Variants in ROBO1 observed in about 807,000 individuals in gnomAD.
The protein encoded by ROBO1 is roundabout homolog 1.
A neutral mutation model predicts 195.9 loss-of-function variants in ROBO1; 149 were observed. The observed-to-expected ratio is 0.76, with a 90% CI of 0.67 to 0.87. The LOEUF (loss-of-function observed/expected upper bound fraction) is 0.87. ROBO1 is among the 40% of genes least tolerant of loss of function. The probability of loss-of-function intolerance (pLI) is 0.00; values close to 1 mark genes in which losing one functional copy is unlikely to be tolerated. For missense variants in ROBO1, 1,933 were observed against 2,068.3 expected (o/e 0.93, Z 1.27); for synonymous variants, 816 against 733.2 (o/e 1.11, Z -1.82).
At chr3:79,767,570 T>C (rs1023694963) in intron 1 of ROBO1, among the ~76,000 whole-genome samples, 182 bp downstream of exon 1, 5 of 152,188 alleles carry the variant, frequency 3.3e-5, no homozygotes, top group African/African-American at 1.2e-4. Flanking sequence ...CGATTTAGCC[T>C]GAAGGTTTTT....
chr3:79,716,613 T>A (rs1219253908), intron 1 of ROBO1, among the ~76,000 whole-genome samples: 1 of 151,848 alleles, frequency 6.6e-6, no homozygotes, highest in East Asian at 1.9e-4. Flanking sequence ...AGAAAAAAAA[T>A]AATCATTCTG....
At chr3:79,625,789 A>G (rs1945160025) in intron 1 of ROBO1, among the ~76,000 whole-genome samples, 2 of 152,116 alleles carry the variant, frequency 1.3e-5, no homozygotes, top group South Asian at 4.1e-4. Context: ...ACAAGGGGGA[A>G]CTGGTACGAT....
At chr3:79,675,451 T>C (rs981584176) in intron 1 of ROBO1, among the ~76,000 whole-genome samples, 2 of 152,050 alleles carry the variant, frequency 1.3e-5, no homozygotes, top group Non-Finnish European at 2.9e-5. Flanking sequence ...TCCTCACAGC[T>C]GCATGTACAG....
intron 3 of ROBO1, among the ~76,000 whole-genome samples, chr3:79,052,951 C>T (rs577523674): frequency 3.3e-5 from 5 of 152,034 alleles, no homozygotes; most frequent in Non-Finnish European, 7.4e-5. Context: ...ATTAAACTCC[C>T]GTTAAAACAG....
rs568945619 is a variant in ROBO1 at position 79,349,193 on chromosome 3, T to C, written c.89-223654A>G. On this transcript the variant is annotated intron_variant, in intron 2 of 30. Transcript: ENST00000464233. ...CCAGCATCTAATAAAGATGATAGAATTATAAAGTGAGAATTAGCCTATGAG... is the reference window on the plus strand; with the variant it reads ...CCAGCATCTAATAAAGATGATAGAACTATAAAGTGAGAATTAGCCTATGAG... Among the ~76,000 whole-genome samples the C allele has an allele frequency of 3.3e-5, 5 of 152,268 alleles. No individual in the cohort carries two copies. In the South Asian group the frequency reaches 1.0e-3, roughly 32 times the overall value.
intron 3 of ROBO1, among the ~76,000 whole-genome samples, chr3:79,086,584 T>C (rs1056318201): frequency 6.6e-6 from 1 of 152,094 alleles, no homozygotes. Context: ...GAAAATGTGC[T>C]CCTTACACAG....
intron 2 of ROBO1, among the ~76,000 whole-genome samples, chr3:79,174,389 A>G (rs2081227681): frequency 6.6e-6 from 1 of 152,040 alleles, no homozygotes; most frequent in Non-Finnish European, 1.5e-5. Flanking sequence ...ACCCACCACA[A>G]GGAAGAAACT....
chr3:79,616,775 A>G (rs566888478), intron 1 of ROBO1, among the ~76,000 whole-genome samples: 4 of 152,228 alleles, frequency 2.6e-5, no homozygotes, highest in South Asian at 2.1e-4. Flanking sequence ...TTACTTGAAG[A>G]CAGCCATTCC....
intron 2 of ROBO1, among the ~76,000 whole-genome samples, chr3:79,382,984 C>T (rs2036623517): frequency 6.6e-6 from 1 of 151,928 alleles, no homozygotes. Context: ...CCTTCGACAC[C>T]AAGGACAGTT....
chr3:79,489,597 G>A (rs1477130894), intron 2 of ROBO1, among the ~76,000 whole-genome samples: 4 of 149,332 alleles, frequency 2.7e-5, no homozygotes, highest in Non-Finnish European at 4.4e-5. Context: ...AGAGGTTGCA[G>A]TGAGCCGAGA....
At chr3:78,644,115 C>T (rs1319463009) in intron 21 of ROBO1, among the ~76,000 whole-genome samples, 2 of 151,952 alleles carry the variant, frequency 1.3e-5, no homozygotes, top group Non-Finnish European at 1.5e-5. Context: ...CACTAGATCA[C>T]GAAACATAGA....
intron 3 of ROBO1, among the ~76,000 whole-genome samples, chr3:79,107,135 A>T (rs1201637247): frequency 3.3e-5 from 5 of 149,954 alleles, no homozygotes; most frequent in African/African-American, 9.9e-5. Flanking sequence ...TCTCACACAC[A>T]CACACACACA....
intron 3 of ROBO1, among the ~76,000 whole-genome samples, chr3:79,122,696 G>T (rs1268014368): frequency 6.6e-6 from 1 of 152,034 alleles, no homozygotes; most frequent in Non-Finnish European, 1.5e-5. Context: ...AGATGTTGTA[G>T]TAACAAATTA....
intron 1 of ROBO1, among the ~76,000 whole-genome samples, chr3:79,690,013 ATAAT>A (rs1474517788): frequency 6.6e-6 from 1 of 152,006 alleles, no homozygotes; most frequent in East Asian, 1.9e-4. Flanking sequence ...ATTGATTTAA[ATAAT>A]TAATTTCACC....
intron 1 of ROBO1, among the ~76,000 whole-genome samples, chr3:79,675,617 T>A (rs1291499331): frequency 6.6e-6 from 1 of 152,076 alleles, no homozygotes; most frequent in East Asian, 1.9e-4. Flanking sequence ...TCAGTACTAA[T>A]AATTTAGTGG....
chr3:78,849,216 G>A (rs938570119), intron 4 of ROBO1, among the ~76,000 whole-genome samples: 13 of 152,232 alleles, frequency 8.5e-5, no homozygotes, highest in South Asian at 2.1e-4. Context: ...GGGCAATTCC[G>A]TGGAGCAATG....
intron 4 of ROBO1, among the ~76,000 whole-genome samples, chr3:78,877,570 A>T (rs1047375062): frequency 5.3e-5 from 8 of 152,308 alleles, no homozygotes; most frequent in Middle Eastern, 3.4e-3. Context: ...GGTATATTTT[A>T]AAAAATAGCA....
At chr3:79,765,382 C>T (rs1704928536) in intron 1 of ROBO1, among the ~76,000 whole-genome samples, 1 of 151,996 alleles carries the variant, frequency 6.6e-6, no homozygotes, top group Non-Finnish European at 1.5e-5. Context: ...CTTCCTCTTC[C>T]TTTTTTTGGG....
Position 79,053,361 on chromosome 3 carries a change from A to C in ROBO1, c.172+72095T>G, listed in dbSNP as rs141566857. On this transcript the variant is annotated intron_variant, in intron 3 of 30. Transcript: ENST00000464233. ...TGACTTTGGATTATGGTCACCCCCCAATGACCTTATTTCTTTTCATGAAGA... is the reference window on the plus strand; with the variant it reads ...TGACTTTGGATTATGGTCACCCCCCCATGACCTTATTTCTTTTCATGAAGA... Among the ~76,000 whole-genome samples the C allele has an allele frequency of 3.3e-3, 508 of 151,810 alleles. 4 individuals are homozygous for C. Among genetic ancestry groups the C allele is most frequent in the African/African-American group, 0.011 (450 of 41,420 alleles).
Sources: allele counts gnomAD v4.1 joint callset (sites outside exome capture counted in the v4.1 genomes callset), GRCh38; gene constraint gnomAD v4.1.1; transcripts MANE v1.5; gene names NCBI Gene and HGNC (gene_info 2026-07-23, HGNC 2026-07-21).